The following AKAP7 variants were observed in gnomAD, a reference collection of about 807,000 sequenced individuals.
The protein encoded by AKAP7 is A kinase (PRKA) anchor protein 7.
A neutral mutation model predicts 39.5 loss-of-function variants in AKAP7; 39 were observed. The observed-to-expected ratio is 0.99, with a 90% confidence interval of 0.76 to 1.29. AKAP7 has a LOEUF of 1.29. Ranked by LOEUF, AKAP7 falls within the 50% of genes most tolerant of loss-of-function variation. The pLI is 0.00. For synonymous variants in AKAP7, 140 were observed against 139.1 expected (o/e 1.01, Z -0.05); for missense variants, 414 against 407.7 (o/e 1.02, Z -0.13).
intron 7 of AKAP7, among the ~76,000 whole-genome samples, chr6:131,276,117 T>A (rs2128338049): frequency 6.6e-6 from 1 of 152,370 alleles, no homozygotes; most frequent in East Asian, 1.9e-4. Context: ...CTTTTGTACA[T>A]ACAGCAACAT....
At chr6:131,274,620 A>G (rs1186862314) in intron 7 of AKAP7, among the ~76,000 whole-genome samples, 1 of 152,082 alleles carries the variant, frequency 6.6e-6, no homozygotes, top group African/African-American at 2.4e-5. Flanking sequence ...CTACAGGTGC[A>G]TGCCACTGCA....
intron 7 of AKAP7, among the ~76,000 whole-genome samples, chr6:131,229,503 A>G (rs1810466317): frequency 1.3e-5 from 2 of 152,056 alleles, no homozygotes; most frequent in Non-Finnish European, 2.9e-5. Context: ...TGCCTACCAC[A>G]GTACCTGGCT....
intron 7 of AKAP7, among the ~76,000 whole-genome samples, chr6:131,233,208 C>T (rs1810773524): frequency 6.6e-6 from 1 of 152,050 alleles, no homozygotes; most frequent in Non-Finnish European, 1.5e-5. Flanking sequence ...AATTCTTCTC[C>T]ACTTCAGTGA....
intron 6 of AKAP7, chr6:131,201,002 A>T (rs1002701056): frequency 6.6e-6 from 1 of 152,210 alleles, no homozygotes; most frequent in African/African-American, 2.4e-5. Context: ...AAAATGCTTA[A>T]ACTATATATG....
intron 6 of AKAP7, among the ~76,000 whole-genome samples, chr6:131,200,646 A>G (rs1807465736): frequency 6.6e-6 from 1 of 152,156 alleles, no homozygotes; most frequent in Non-Finnish European, 1.5e-5. Flanking sequence ...TCTCAGAAAG[A>G]TATCTTGCAT....
At chr6:131,184,514 C>T in intron 5 of AKAP7, 2 of 695,164 alleles carry the variant, frequency 2.9e-6, no homozygotes, top group Non-Finnish European at 5.4e-6. Context: ...GATATCGCAA[C>T]ATTTGTGCTC....
At chr6:131,202,819 C>T (rs1807720603) in intron 6 of AKAP7, among the ~76,000 whole-genome samples, 1 of 151,672 alleles carries the variant, frequency 6.6e-6, no homozygotes, top group African/African-American at 2.4e-5. Flanking sequence ...TTCAGTAAGC[C>T]AAATAAGAAT....
At position 131,201,071 on chromosome 6, in the gene AKAP7, T is replaced by G. The variant is rs538042089; in HGVS notation, c.702+1498T>G. On this transcript the variant is annotated intron_variant, in intron 6 of 7. Coordinates refer to ENST00000431975, the MANE Select transcript of AKAP7 (RefSeq NM_016377.4). ...GGCAGTTAATTTCACAGAATCAATC[T>G]TACCCTATAGAAAAGTAATATGAGA... 2.4e-4 allele frequency among the ~76,000 whole-genome samples: 36 copies of G among 152,310 alleles called. No individual in the cohort carries two copies. In the South Asian group the frequency reaches 5.6e-3, roughly 24 times the overall value.
chr6:131,157,335 A>C (rs527784528), intron 2 of AKAP7, among the ~76,000 whole-genome samples: 52 of 152,336 alleles, frequency 3.4e-4, no homozygotes, highest in South Asian at 6.2e-4. Context: ...TCACACAGCT[A>C]GTATGTGGGA....
intron 5 of AKAP7, among the ~76,000 whole-genome samples, chr6:131,191,730 C>G (rs967474331): frequency 6.6e-6 from 1 of 152,132 alleles, no homozygotes; most frequent in Admixed American, 6.6e-5. Context: ...TGGTTTGGCA[C>G]CTAATGCTCA....
chr6:131,263,561 A>T (rs1220972484), intron 7 of AKAP7, among the ~76,000 whole-genome samples: 2 of 152,188 alleles, frequency 1.3e-5, no homozygotes, highest in Non-Finnish European at 2.9e-5. Flanking sequence ...TATACAAACG[A>T]AAGCAGCATG....
intron 1 of AKAP7, chr6:131,136,810 G>C (rs565839877): frequency 3.2e-5 from 31 of 980,342 alleles, no homozygotes; most frequent in Non-Finnish European, 3.6e-5. Flanking sequence ...GTAACTTGTT[G>C]ATTTCTACGC....
intron 1 of AKAP7, among the ~76,000 whole-genome samples, chr6:131,142,115 G>C (rs993612023): frequency 1.3e-5 from 2 of 152,044 alleles, no homozygotes; most frequent in African/African-American, 4.8e-5. Flanking sequence ...TGCAGCTTAG[G>C]CTTGTGGTAA....
At position 131,145,834 on chromosome 6, in the gene AKAP7, G is replaced by A. The variant is rs1801439539; in HGVS notation, c.151+418G>A. Among the ~76,000 whole-genome samples the A allele has an allele frequency of 1.3e-5, 2 of 152,148 alleles. 1 individual carries two copies. The highest frequency in any genetic ancestry group is 4.1e-4 in the South Asian group (2 of 4,828). On this transcript the variant is annotated intron_variant, in intron 2 of 7. Transcript: ENST00000431975. ...CTCCAAAAGTGCTGGGATTACAGAT[G>A]TGAATGATCGTGCCGCGCCAAGTCT...
intron 4 of AKAP7, among the ~76,000 whole-genome samples, chr6:131,166,995 C>T (rs568645301): frequency 3.9e-5 from 6 of 152,174 alleles, no homozygotes; most frequent in Non-Finnish European, 5.9e-5. Flanking sequence ...CACCTAAACT[C>T]GTTTGTATCC....
intron 6 of AKAP7, among the ~76,000 whole-genome samples, chr6:131,205,192 A>AT (rs1004081023): frequency 7.2e-5 from 11 of 151,830 alleles, no homozygotes; most frequent in African/African-American, 1.2e-4. Context: ...ACCAATTGAG[A>AT]TTTTTTTTTA....
At chr6:131,152,934 C>T (rs1181621530) in intron 2 of AKAP7, among the ~76,000 whole-genome samples, 1 of 151,328 alleles carries the variant, frequency 6.6e-6, no homozygotes, top group African/African-American at 2.4e-5. Flanking sequence ...TGAGACCATC[C>T]TGGCTAACAC....
intron 5 of AKAP7, among the ~76,000 whole-genome samples, chr6:131,171,942 G>T (rs1804092062): frequency 6.6e-6 from 1 of 152,164 alleles, no homozygotes; most frequent in African/African-American, 2.4e-5. Flanking sequence ...CTGAAGATTA[G>T]AGTTAGTAGA....
At position 131,281,589 on chromosome 6, in the gene AKAP7, G is replaced by C; in HGVS notation, c.910G>C (p.Val304Leu). ...AELVRLSKRL[V>L]ENAVLKAVQQ... Reference sequence around the variant, plus strand: ...ACTAGTAAGGCTCAGTAAGAGGCTGGTGGAGAACGCGGTGCTCAAGGCTGT... The same window carrying C: ...ACTAGTAAGGCTCAGTAAGAGGCTGCTGGAGAACGCGGTGCTCAAGGCTGT... The change falls in exon 8 of 8, where the codon GTG (valine) becomes CTG (leucine). Residue 304 changes from valine (V) to leucine (L), a missense_variant. Transcript: ENST00000431975. This position sits in a 1 kb window ranked among gnomAD's most constrained non-coding sequence, Gnocchi z 4.0. 6.2e-7 allele frequency: 1 copy of C among 1,613,586 alleles called. No individual in the cohort carries two copies. The highest frequency in any genetic ancestry group is 8.5e-7 in the Non-Finnish European group (1 of 1,179,728).
Sources: gnomAD v4.1 joint callset for allele counts (sites outside exome capture counted in the v4.1 genomes callset) on GRCh38, gnomAD v4.1.1 for gene constraint, Gnocchi (gnomAD v3.1) non-coding constraint, MANE v1.5 for transcripts, NCBI Gene and HGNC (gene_info 2026-07-23, HGNC 2026-07-21) for gene names.